Variants in TRAIP observed in about 807,000 individuals in gnomAD.
The protein encoded by TRAIP is E3 ubiquitin-protein ligase TRAIP.
In TRAIP, 37 loss-of-function variants were observed where a neutral mutation model predicts 65.0. The observed-to-expected ratio is 0.57, with a 90% CI of 0.44 to 0.75. TRAIP has a LOEUF of 0.75. Among genes scored for constraint, TRAIP ranks in the 30% least tolerant of loss-of-function variants. The pLI, the probability that TRAIP is intolerant of heterozygous loss-of-function variation, is 0.00. For synonymous variants in TRAIP, 187 were observed against 219.1 expected (o/e 0.85, Z 1.29); for missense variants, 481 against 579.4 (o/e 0.83, Z 1.74).
intron 10 of TRAIP, among the ~76,000 whole-genome samples, chr3:49,838,027 T>C (rs1376042640): frequency 2.0e-5 from 3 of 152,230 alleles, no homozygotes; most frequent in Admixed American, 2.0e-4. Context: ...TGTGCCACCA[T>C]GCTTGGCTAA....
At position 49,843,849 on chromosome 3, in the gene TRAIP, A is replaced by G. The variant is rs527740444; in HGVS notation, c.360T>C (p.Ser120=). ...TLEERNATVV[S]LQQALGKAEM... Reference sequence around the variant, plus strand: ...CGGCCTTGCCCAAGGCCTGCTGCAGAGATACCACAGTAGCATTGCGTTCTT... The same window carrying G: ...CGGCCTTGCCCAAGGCCTGCTGCAGGGATACCACAGTAGCATTGCGTTCTT... Residue 120 remains serine, a synonymous_variant, in exon 5 of 15, where the codon TCT becomes TCC. Transcript: ENST00000331456. The G allele has an allele frequency of 6.2e-7, 1 of 1,613,966 alleles. No individual in the cohort carries two copies. The highest frequency in any genetic ancestry group is 8.5e-7 in the Non-Finnish European group (1 of 1,179,800).
At chr3:49,848,311 T>G in intron 1 of TRAIP, 111 bp from the exon 2 acceptor site, 2 of 1,153,400 alleles carry the variant, frequency 1.7e-6, no homozygotes, top group Non-Finnish European at 2.5e-6. Context: ...CTTGACCCAA[T>G]GCCTGCCCAA....
chr3:49,836,432 A>C (rs1445054465), intron 10 of TRAIP, among the ~76,000 whole-genome samples: 1 of 152,124 alleles, frequency 6.6e-6, no homozygotes, highest in African/African-American at 2.4e-5. Flanking sequence ...CGGAGGTTGC[A>C]GCGAGCCAAG....
chr3:49,845,737 C>T (rs1287791183), intron 3 of TRAIP, among the ~76,000 whole-genome samples: 1 of 152,244 alleles, frequency 6.6e-6, no homozygotes, highest in Non-Finnish European at 1.5e-5. Flanking sequence ...CAAGATGTTG[C>T]TACCTGTCTC....
chr3:49,847,444 GAAAA>G, intron 3 of TRAIP, 77 bp downstream of exon 3: 3 of 871,034 alleles, frequency 3.4e-6, no homozygotes, highest in African/African-American at 3.5e-5. Flanking sequence ...GAAGAGAAGA[GAAAA>G]AAGAAAAGAA....
chr3:49,840,437 G>A, intron 8 of TRAIP, 64 bp from the exon 9 acceptor site: 1 of 1,371,104 alleles, frequency 7.3e-7, no homozygotes, highest in South Asian at 1.2e-5. Context: ...GCCCCCTCCT[G>A]CTGCTCCCCA....
intron 1 of TRAIP, among the ~76,000 whole-genome samples, chr3:49,852,798 G>C (rs1426227503): frequency 6.6e-6 from 1 of 151,756 alleles, no homozygotes; most frequent in Non-Finnish European, 1.5e-5. Context: ...ACACGTTAAA[G>C]AAATCTAATG....
At chr3:49,845,983 G>C (rs573034342) in intron 3 of TRAIP, among the ~76,000 whole-genome samples, 5 of 152,164 alleles carry the variant, frequency 3.3e-5, no homozygotes, top group Non-Finnish European at 7.3e-5. Flanking sequence ...TCAGAGTCCA[G>C]GGATCATTTG....
Position 49,841,822 on chromosome 3 carries a change from G to T in TRAIP, c.617+4C>A, listed in dbSNP as rs1486715969. ...TGTTTGCTGAGAGGGGCCACAGTAC[G>T]CACTTCTTGAGAGACACACAGTACA... is the stretch of plus-strand genomic sequence containing the variant. On this transcript the variant is annotated splice_donor_region_variant and intron_variant, in intron 7 of 14. Coordinates refer to ENST00000331456, the MANE Select transcript of TRAIP (RefSeq NM_005879.3). The T allele has an allele frequency of 1.9e-6, 3 of 1,611,692 alleles. No homozygotes were observed. The highest frequency in any genetic ancestry group is 2.5e-6 in the Non-Finnish European group (3 of 1,177,816).
At chr3:49,840,551 A>G (rs1448479482) in intron 8 of TRAIP, 178 bp from the exon 9 acceptor site, 1 of 595,038 alleles carries the variant, frequency 1.7e-6, no homozygotes, top group Non-Finnish European at 3.0e-6. Context: ...AGCTGCCTAG[A>G]AGCAAAGGCT....
Position 49,844,567 on chromosome 3 carries a change from T to C in TRAIP, c.254A>G (p.Asn85Ser), listed in dbSNP as rs752292551. 75 of 1,613,938 alleles carry C rather than the reference T, an allele frequency of 4.6e-5. No individual in the cohort carries two copies. Among genetic ancestry groups the C allele is most frequent in the Non-Finnish European group, 5.7e-5 (67 of 1,180,026 alleles). ...DAEFLKNELD[N>S]VRAQLSQKDK... ...TTTCTGGGAAAGCTGGGCTCTGACA[T>C]TGTCCAGTTCATTCTGAAAGGCAAT... The change falls in exon 4 of 15, where the codon AAT (asparagine) becomes AGT (serine). Residue 85 changes from asparagine to serine, a missense_variant. Coordinates refer to ENST00000331456, the MANE Select transcript of TRAIP (RefSeq NM_005879.3).
At chr3:49,842,311 A>G (rs903401107) in intron 6 of TRAIP, 142 bp downstream of exon 6, 1 of 747,370 alleles carries the variant, frequency 1.3e-6, no homozygotes, top group Admixed American at 2.3e-5. Context: ...GCCCACACCC[A>G]GCTGACCTGA....
rs770614991 is a variant in TRAIP at position 49,842,545 on chromosome 3, C to T, written c.411G>A (p.Lys137=). 6.2e-7 allele frequency: 1 copy of T among 1,613,468 alleles called. No homozygotes were observed. Among genetic ancestry groups the T allele is most frequent in the East Asian group, 2.2e-5 (1 of 44,878 alleles). ...GCTGCTGCTCTAAGTACTTCATCTG[C>T]TTCTGAAGAGCAAATACACCCATAC... ...KAEMLCSTLK[K]QMKYLEQQQD... The change falls in exon 6 of 15, where the codon AAG becomes AAA. Residue 137 remains lysine, a splice_region_variant and synonymous_variant. Coordinates refer to ENST00000331456, the MANE Select transcript of TRAIP (RefSeq NM_005879.3).
chr3:49,841,706 A>AT, intron 7 of TRAIP, 120 bp downstream of exon 7: 1 of 724,836 alleles, frequency 1.4e-6, no homozygotes. Context: ...AAACAAAGGC[A>AT]GCATGGCTCC....
At chr3:49,843,340 T>C (rs2081854412) in intron 5 of TRAIP, 1 of 156,428 alleles carries the variant, frequency 6.4e-6, no homozygotes, top group African/African-American at 2.4e-5. Flanking sequence ...CAGACTTTGA[T>C]CTGGTTGGTC....
At chr3:49,855,584 T>C (rs1415964922) in intron 1 of TRAIP, among the ~76,000 whole-genome samples, 1 of 152,248 alleles carries the variant, frequency 6.6e-6, no homozygotes, top group South Asian at 2.1e-4. Flanking sequence ...TCCCTCAGCA[T>C]GGGGCTCAGG....
chr3:49,839,931 T>G, intron 9 of TRAIP, 71 bp from the exon 10 acceptor site: 1 of 1,474,130 alleles, frequency 6.8e-7, no homozygotes, highest in Non-Finnish European at 9.5e-7. Flanking sequence ...GCAGAGGACA[T>G]GAGCAGCATG....
chr3:49,835,073 T>C (rs1304722764), intron 10 of TRAIP, among the ~76,000 whole-genome samples: 1 of 152,188 alleles, frequency 6.6e-6, no homozygotes, highest in Non-Finnish European at 1.5e-5. Flanking sequence ...CTGGGCATTG[T>C]GGCACATGCC....
At chr3:49,839,688 C>G (rs1380218730) in intron 10 of TRAIP, 84 bp downstream of exon 10, 1 of 1,299,728 alleles carries the variant, frequency 7.7e-7, no homozygotes, top group African/African-American at 1.5e-5. Context: ...GGTCACCCAC[C>G]CCACCAAAGC....
Sources: gnomAD v4.1 joint callset for allele counts (sites outside exome capture counted in the v4.1 genomes callset) on GRCh38, gnomAD v4.1.1 for gene constraint, MANE v1.5 for transcripts, NCBI Gene and HGNC (gene_info 2026-07-23, HGNC 2026-07-21) for gene names.